The following DYSF variants were observed in gnomAD, a reference collection of about 807,000 sequenced individuals.
The protein encoded by DYSF is dystrophy-associated fer-1-like 1.
Under a neutral mutation model 274.9 loss-of-function variants are expected in DYSF, and 212 were observed. That is an observed-to-expected ratio of 0.77 (90% CI 0.69 to 0.86). The LOEUF (loss-of-function observed/expected upper bound fraction) is 0.86, where lower values mean the gene tolerates loss of function less well. DYSF is among the 40% of genes least tolerant of loss of function. The pLI, the probability that DYSF is intolerant of heterozygous loss-of-function variation, is 0.00. For synonymous variants in DYSF, 1,091 were observed against 1,078.7 expected (o/e 1.01, Z -0.22); for missense variants, 2,666 against 2,783.2 (o/e 0.96, Z 0.95).
intron 24 of DYSF, among the ~76,000 whole-genome samples, chr2:71,564,963 G>A (rs2091994178): frequency 6.6e-6 from 1 of 152,320 alleles, no homozygotes; most frequent in Middle Eastern, 3.4e-3. Context: ...AGGACACAAT[G>A]CGGGAGATCC....
chr2:71,515,862 T>C (rs1272334245), intron 8 of DYSF, 111 bp downstream of exon 8: 2 of 1,497,432 alleles, frequency 1.3e-6, no homozygotes, highest in African/African-American at 1.4e-5. Flanking sequence ...GCGCTGACCT[T>C]GGGTGGTGAG....
chr2:71,463,308 G>A (rs1051194576), upstream of DYSF, among the ~76,000 whole-genome samples: 1 of 152,224 alleles, frequency 6.6e-6, no homozygotes, highest in Non-Finnish European at 1.5e-5. Context: ...ACCCTGGAGT[G>A]GGTGACTGGA....
At chr2:71,548,811 C>G (rs1341288814) in intron 17 of DYSF, among the ~76,000 whole-genome samples, 1 of 152,096 alleles carries the variant, frequency 6.6e-6, no homozygotes, top group Non-Finnish European at 1.5e-5. Context: ...GGGGGGTGAT[C>G]CTGGACACGG....
chr2:71,537,804 A>C (rs1002139080), intron 16 of DYSF, among the ~76,000 whole-genome samples: 17 of 152,158 alleles, frequency 1.1e-4, no homozygotes, highest in Admixed American at 6.5e-4. Flanking sequence ...GGGATGTGTC[A>C]TCTGAAGCTG....
chr2:71,580,916 A>T (rs759541168), intron 30 of DYSF, among the ~76,000 whole-genome samples: 2 of 152,240 alleles, frequency 1.3e-5, no homozygotes, highest in Non-Finnish European at 2.9e-5. Context: ...TCATGGCTGC[A>T]GAGGAGTGTG....
intron 14 of DYSF, among the ~76,000 whole-genome samples, chr2:71,533,535 C>T (rs945925733): frequency 3.3e-5 from 5 of 152,212 alleles, no homozygotes; most frequent in African/African-American, 1.2e-4. Context: ...ATGGGTTGTT[C>T]CAAATCCTTG....
chr2:71,571,062 C>A, intron 29 of DYSF: 1 of 427,860 alleles, frequency 2.3e-6, no homozygotes, highest in Non-Finnish European at 4.3e-6. Flanking sequence ...ACACAGATCA[C>A]ACCCAGCACA....
chr2:71,479,404 G>A (rs745947397), intron 1 of DYSF, among the ~76,000 whole-genome samples: 13 of 151,724 alleles, frequency 8.6e-5, no homozygotes, highest in South Asian at 4.2e-4. Context: ...CTGACCTGTC[G>A]GTCCACATGG....
intron 30 of DYSF, among the ~76,000 whole-genome samples, chr2:71,587,994 A>T (rs2093128983): frequency 6.6e-6 from 1 of 152,108 alleles, no homozygotes; most frequent in African/African-American, 2.4e-5. Context: ...TTCCTTTTTG[A>T]CCCAGAGTGA....
chr2:71,521,956 C>T (rs2087323951), intron 12 of DYSF, among the ~76,000 whole-genome samples: 2 of 152,052 alleles, frequency 1.3e-5, no homozygotes, highest in Non-Finnish European at 2.9e-5. Context: ...GCTCTGGGAG[C>T]TCCTGTGGTC....
At chr2:71,539,321 G>A (rs2089698307) in intron 17 of DYSF, 82 bp downstream of exon 17, 1 of 1,289,724 alleles carries the variant, frequency 7.8e-7, no homozygotes, top group African/African-American at 1.5e-5. Context: ...TTCTAGTTTT[G>A]AGAGTTTGCA....
intron 13 of DYSF, among the ~76,000 whole-genome samples, chr2:71,527,243 C>T (rs1227624107): frequency 6.6e-6 from 1 of 152,192 alleles, no homozygotes; most frequent in Non-Finnish European, 1.5e-5. Flanking sequence ...TTAAAGCATG[C>T]ATTAACACAA....
chr2:71,497,063 A>C (rs914830529), intron 3 of DYSF, among the ~76,000 whole-genome samples: 6 of 152,178 alleles, frequency 3.9e-5, no homozygotes, highest in Non-Finnish European at 8.8e-5. Context: ...TGAACTAATA[A>C]CAGTACCTAC....
intron 42 of DYSF, among the ~76,000 whole-genome samples, chr2:71,650,200 G>A (rs966164947): frequency 5.3e-5 from 8 of 152,296 alleles, no homozygotes; most frequent in Admixed American, 5.2e-4. Context: ...GTCAGAGGAG[G>A]CCAAGTGTGG....
intron 22 of DYSF, among the ~76,000 whole-genome samples, chr2:71,557,291 AG>A (rs1265649156): frequency 6.6e-6 from 1 of 152,252 alleles, no homozygotes; most frequent in Non-Finnish European, 1.5e-5. Flanking sequence ...TTCCTGGAGA[AG>A]GGGATGCCCC....
intron 40 of DYSF, among the ~76,000 whole-genome samples, chr2:71,618,686 A>T (rs1479135452): frequency 4.1e-4 from 42 of 103,576 alleles, no homozygotes; most frequent in Admixed American, 6.8e-4. Flanking sequence ...GAGGGATGTG[A>T]GTGTGTGTGC....
chr2:71,646,048 C>G (rs2152926739), intron 42 of DYSF, among the ~76,000 whole-genome samples: 1 of 152,320 alleles, frequency 6.6e-6, no homozygotes, highest in Non-Finnish European at 1.5e-5. Flanking sequence ...CAAAAGTTGT[C>G]TCTGCTCTAT....
At chr2:71,543,144 C>T (rs1573869675) in intron 17 of DYSF, among the ~76,000 whole-genome samples, 2 of 147,422 alleles carry the variant, frequency 1.4e-5, no homozygotes, top group Non-Finnish European at 3.0e-5. Context: ...ACTTCCCAGA[C>T]GGGGTGGCTG....
intron 49 of DYSF, 97 bp from the exon 50 acceptor site, chr2:71,669,015 C>T: frequency 7.6e-7 from 1 of 1,313,724 alleles, no homozygotes; most frequent in South Asian, 1.3e-5. Context: ...GCATCGAGTC[C>T]TCTTGGACCA....
Sources: allele counts gnomAD v4.1 joint callset (sites outside exome capture counted in the v4.1 genomes callset), GRCh38; gene constraint gnomAD v4.1.1; transcripts MANE v1.5; gene names NCBI Gene and HGNC (gene_info 2026-07-23, HGNC 2026-07-21).